SDK1: variants seen among roughly 807,000 people sequenced by gnomAD.
The protein encoded by SDK1 is protein sidekick-1.
In SDK1, 157 loss-of-function variants were observed where a neutral mutation model predicts 245.5. That is an observed-to-expected ratio of 0.64 (90% CI 0.56 to 0.73). The LOEUF is 0.73. Among genes scored for constraint, SDK1 ranks in the 30% least tolerant of loss-of-function variants. The pLI is 0.00. For synonymous variants in SDK1, 1,647 were observed against 1,278.5 expected, an observed-to-expected ratio of 1.29 and a Z score of -6.15; for missense variants, 3,583 against 3,002.3, an observed-to-expected ratio of 1.19 and a Z score of -4.52.
At chr7:3,675,029 A>G (rs564537042) in intron 4 of SDK1, among the ~76,000 whole-genome samples, 1 of 152,290 alleles carries the variant, frequency 6.6e-6, no homozygotes, top group East Asian at 1.9e-4. Context: ...CAAATTCTGT[A>G]CATGGGTTAG....
At chr7:3,467,123 A>T (rs1455974639) in intron 1 of SDK1, among the ~76,000 whole-genome samples, 1 of 152,050 alleles carries the variant, frequency 6.6e-6, no homozygotes, top group Non-Finnish European at 1.5e-5. Flanking sequence ...AAGTTATTTT[A>T]TACTTCTTTA....
chr7:3,869,969 T>TA (rs1780918085), intron 5 of SDK1, among the ~76,000 whole-genome samples: 1 of 152,238 alleles, frequency 6.6e-6, no homozygotes, highest in African/African-American at 2.4e-5. Context: ...TATTGCAAGT[T>TA]AAAAATCTCA....
rs1181276400 is a variant in SDK1, at chr7:3,813,440, C to A, written c.714-8010C>A. On this transcript the variant is annotated intron_variant, in intron 4 of 44. Transcript: ENST00000404826. The stretch of plus-strand genomic sequence containing the variant: ...TCCATGTCCCTACAAAGGACATGAA[C>A]TCATCATTTTTTATGGCTGCATAGT... 2.9e-4 allele frequency among the ~76,000 whole-genome samples: 40 copies of A among 138,054 alleles called. 1 individual carries two copies. Among genetic ancestry groups the A allele is most frequent in the African/African-American group, 1.1e-3 (39 of 36,214 alleles). 90.6% of individuals were successfully genotyped at this position (138,054 alleles called of 152,430 possible). A position where few individuals can be genotyped will look rare whatever the true frequency, so the allele number is the denominator to read the frequency against.
At chr7:3,933,747 C>G (rs1275896029) in intron 5 of SDK1, among the ~76,000 whole-genome samples, 4 of 152,154 alleles carry the variant, frequency 2.6e-5, no homozygotes, top group African/African-American at 9.7e-5. Context: ...TTCTTCTGTT[C>G]CAGGTACTAC....
chr7:3,491,434 A>G (rs1319423719), intron 1 of SDK1, among the ~76,000 whole-genome samples: 1 of 152,248 alleles, frequency 6.6e-6, no homozygotes, highest in Non-Finnish European at 1.5e-5. Context: ...TTAGAGCTGT[A>G]AACAGTGCAG....
At chr7:3,370,362 A>G (rs1452693576) in intron 1 of SDK1, among the ~76,000 whole-genome samples, 1 of 152,222 alleles carries the variant, frequency 6.6e-6, no homozygotes, top group Non-Finnish European at 1.5e-5. Flanking sequence ...GAGAGAAAAC[A>G]ATTGCAGTCA....
intron 1 of SDK1, among the ~76,000 whole-genome samples, chr7:3,387,580 A>G (rs1195644656): frequency 3.3e-5 from 5 of 152,196 alleles, no homozygotes; most frequent in Admixed American, 1.3e-4. Flanking sequence ...GTGAGGATAA[A>G]TGGTAATTCC....
At chr7:3,322,483 G>T (rs1319335803) in intron 1 of SDK1, among the ~76,000 whole-genome samples, 1 of 151,878 alleles carries the variant, frequency 6.6e-6, no homozygotes, top group South Asian at 2.1e-4. Context: ...CTTCTTTTTG[G>T]TATATGCCTA....
intron 5 of SDK1, among the ~76,000 whole-genome samples, chr7:3,908,817 A>C (rs922347468): frequency 6.6e-6 from 1 of 151,104 alleles, no homozygotes; most frequent in African/African-American, 2.5e-5. Context: ...GGGACTTAGG[A>C]GGAAAGAATT....
At chr7:3,956,744 C>T (rs542214357) in intron 7 of SDK1, among the ~76,000 whole-genome samples, 4 of 152,198 alleles carry the variant, frequency 2.6e-5, no homozygotes, top group Non-Finnish European at 5.9e-5. Context: ...GTGCCAAACA[C>T]AGATGGTCCC....
intron 28 of SDK1, among the ~76,000 whole-genome samples, chr7:4,141,779 C>T (rs549076655): frequency 6.6e-6 from 1 of 152,204 alleles, no homozygotes; most frequent in South Asian, 2.1e-4. Context: ...GTTTTTGAGA[C>T]AGAGTCTCGC....
At chr7:4,166,173 G>T (rs1237376043) in intron 32 of SDK1, among the ~76,000 whole-genome samples, 1 of 152,212 alleles carries the variant, frequency 6.6e-6, no homozygotes, top group African/African-American at 2.4e-5. Flanking sequence ...CAGTGTAAAA[G>T]GCACCTTCCC....
chr7:3,996,322 A>C (rs1156610882), intron 14 of SDK1, among the ~76,000 whole-genome samples: 1 of 152,216 alleles, frequency 6.6e-6, no homozygotes, highest in African/African-American at 2.4e-5. Context: ...TAACTGATAA[A>C]ACAACTCTCT....
intron 1 of SDK1, among the ~76,000 whole-genome samples, chr7:3,553,945 G>T (rs150547611): frequency 6.6e-6 from 1 of 152,064 alleles, no homozygotes; most frequent in Non-Finnish European, 1.5e-5. Context: ...CAAATGAAGC[G>T]GGCACAAAGA....
At chr7:4,160,912 G>A (rs1584331181) in intron 31 of SDK1, among the ~76,000 whole-genome samples, 2 of 152,176 alleles carry the variant, frequency 1.3e-5, no homozygotes, top group South Asian at 2.1e-4. Flanking sequence ...CGGTGACCCC[G>A]GGACCCAATC....
At chr7:3,630,617 C>G (rs1225559968) in intron 2 of SDK1, among the ~76,000 whole-genome samples, 2 of 151,922 alleles carry the variant, frequency 1.3e-5, no homozygotes, top group Non-Finnish European at 2.9e-5. Context: ...GCTTGGGTGA[C>G]AGAGCAAGAC....
intron 4 of SDK1, among the ~76,000 whole-genome samples, chr7:3,657,612 C>T (rs1783228949): frequency 6.6e-6 from 1 of 151,828 alleles, no homozygotes; most frequent in Non-Finnish European, 1.5e-5. Context: ...TTTTTTTCCA[C>T]CTGTGAAATG....
At chr7:4,114,756 C>T (rs536945567) in intron 25 of SDK1, among the ~76,000 whole-genome samples, 11 of 152,246 alleles carry the variant, frequency 7.2e-5, no homozygotes, top group East Asian at 5.8e-4. Flanking sequence ...TCCTGTTTGG[C>T]GGGTGGCTCT....
At chr7:4,237,553 C>A in intron 41 of SDK1, 94 bp from the exon 42 acceptor site, 1 of 1,449,842 alleles carries the variant, frequency 6.9e-7, no homozygotes. Context: ...GAGTTATCTA[C>A]CCCAGCCTTC....
Sources: allele counts gnomAD v4.1 joint callset (sites outside exome capture counted in the v4.1 genomes callset), GRCh38; gene constraint gnomAD v4.1.1; transcripts MANE v1.5; gene names NCBI Gene and HGNC (gene_info 2026-07-23, HGNC 2026-07-21).